RGSL1: variants seen among roughly 807,000 people sequenced by gnomAD.
RGSL1 encodes regulator of G protein signaling protein-like.
A neutral mutation model predicts 124.7 loss-of-function variants in RGSL1; 97 were observed. The observed-to-expected ratio is 0.78, with a 90% CI of 0.66 to 0.92. RGSL1 has a LOEUF of 0.92. RGSL1 is among the 40% of genes least tolerant of loss of function. The probability of loss-of-function intolerance (pLI) is 0.00; values close to 1 mark genes in which losing one functional copy is unlikely to be tolerated. For missense variants in RGSL1, 1,233 were observed against 1,288.4 expected, an observed-to-expected ratio of 0.96 and a Z score of 0.66; for synonymous variants, 424 against 438.1, an observed-to-expected ratio of 0.97 and a Z score of 0.40.
chr1:182,497,361 A>AT (rs1656007793), intron 9 of RGSL1, among the ~76,000 whole-genome samples: 1 of 147,990 alleles, frequency 6.8e-6, no homozygotes. Flanking sequence ...CTGATATAAA[A>AT]ATATATATAT....
chr1:182,511,863 C>T lies in RGSL1; in HGVS notation c.1826-10141C>T, dbSNP rs1228820890. On this transcript the variant is annotated intron_variant, in intron 9 of 21. Coordinates refer to ENST00000294854, the MANE Select transcript of RGSL1 (RefSeq NM_001137669.2). ...TTTTAACAGTATTAATTCTTCCAGT[C>T]ATGAGCATGGAGTAACCTTTCATTT... Among the ~76,000 whole-genome samples the T allele has an allele frequency of 3.3e-5, 5 of 152,196 alleles. 1 individual carries two copies. The South Asian group carries it at 1.0e-3, about 32-fold the overall frequency.
chr1:182,449,333 C>G (rs189181117), upstream of RGSL1: 1 of 152,114 alleles, frequency 6.6e-6, no homozygotes, highest in Non-Finnish European at 1.5e-5. Context: ...TCATTATTAA[C>G]AATAATCCTT....
rs556512734 is a variant in RGSL1, at chr1:182,525,785, A to G, written c.1932-1794A>G. The stretch of plus-strand genomic sequence containing the variant: ...AGATACATAAAATAAAGAGAAAAAC[A>G]AAGAAAATCCAGGTAAATAAGTTAG... On this transcript the variant is annotated intron_variant, in intron 10 of 21. Transcript: ENST00000294854. Among the ~76,000 whole-genome samples the G allele has an allele frequency of 2.6e-5, 4 of 152,282 alleles. No homozygotes were observed. The East Asian group carries it at 7.7e-4, about 29-fold the overall frequency.
At chr1:182,508,683 T>TG (rs1448495429) in intron 9 of RGSL1, among the ~76,000 whole-genome samples, 61 of 148,822 alleles carry the variant, frequency 4.1e-4, no homozygotes, top group African/African-American at 1.5e-3. Context: ...TTTTTTTTTT[T>TG]TTTTTTTTTA....
chr1:182,489,494 G>A (rs1046025438), intron 8 of RGSL1, among the ~76,000 whole-genome samples: 3 of 152,088 alleles, frequency 2.0e-5, no homozygotes, highest in African/African-American at 7.2e-5. Flanking sequence ...CTAGACTCTG[G>A]CCCACCAAAG....
intron 9 of RGSL1, among the ~76,000 whole-genome samples, chr1:182,505,808 TTGTC>T (rs751579312): frequency 2.9e-4 from 44 of 152,314 alleles, no homozygotes; most frequent in Non-Finnish European, 5.3e-4. Context: ...ATTTTTAACT[TTGTC>T]TGGCATATAG....
intron 4 of RGSL1, among the ~76,000 whole-genome samples, chr1:182,466,651 A>G (rs987528718): frequency 1.3e-5 from 2 of 152,220 alleles, no homozygotes; most frequent in Admixed American, 1.3e-4. Flanking sequence ...AATAAAAACT[A>G]CAAAACATTG....
intron 9 of RGSL1, among the ~76,000 whole-genome samples, chr1:182,502,480 G>A (rs1162831230): frequency 6.6e-6 from 1 of 152,200 alleles, no homozygotes; most frequent in African/African-American, 2.4e-5. Context: ...TGAGGCTGGG[G>A]TGGGAGGATT....
chr1:182,507,735 C>G (rs1255128293), intron 9 of RGSL1, among the ~76,000 whole-genome samples: 2 of 151,204 alleles, frequency 1.3e-5, no homozygotes, highest in Non-Finnish European at 2.9e-5. Context: ...CAGGGTCTGT[C>G]TCTGTCACTC....
chr1:182,489,720 C>G (rs12749975), intron 8 of RGSL1, among the ~76,000 whole-genome samples: 1 of 152,154 alleles, frequency 6.6e-6, no homozygotes, highest in Admixed American at 6.5e-5. Context: ...GGGTTACACC[C>G]GTGCTCTCCT....
chr1:182,503,974 C>CTTTTTTTTTTTTTTT (rs71124902), intron 9 of RGSL1, among the ~76,000 whole-genome samples: 3 of 118,238 alleles, frequency 2.5e-5, no homozygotes, highest in Non-Finnish European at 3.4e-5. Flanking sequence ...TTTGTAATTT[C>CTTTTTTTTTTTTTTT]TTTTTTTTTT....
In RGSL1 at chr1:182,548,768, CG is replaced by C; in HGVS notation, c.2878del (p.Val960SerfsTer61). 6.4e-7 allele frequency: 1 copy of C among 1,551,636 alleles called. No individual in the cohort carries two copies. Among genetic ancestry groups the C allele is most frequent in the Admixed American group, 2.0e-5 (1 of 51,004 alleles). ...AITEGYLDRS[V>X]FHGAIMSVFP... is the part of the protein sequence containing the mutation. ...TCACAGAGGGCTACCTAGATCGGAGCGTCTTCCATGGGGCTATCATGTCTGT... is the reference window on the plus strand; with the variant it reads ...TCACAGAGGGCTACCTAGATCGGAGCTCTTCCATGGGGCTATCATGTCTGT... On this transcript the variant is annotated frameshift_variant, in exon 17 of 22. Coordinates refer to ENST00000294854, the MANE Select transcript of RGSL1 (RefSeq NM_001137669.2). LOFTEE classifies it high-confidence loss of function.
At chr1:182,463,823 G>A (rs1270638708) in intron 4 of RGSL1, among the ~76,000 whole-genome samples, 1 of 152,144 alleles carries the variant, frequency 6.6e-6, no homozygotes, top group African/African-American at 2.4e-5. Flanking sequence ...CAGAAGATAG[G>A]TTAGGAAATA....
At position 182,553,532 on chromosome 1, in the gene RGSL1, G is replaced by GT; in HGVS notation, c.3123dup (p.Gln1042SerfsTer45). The GT allele has an allele frequency of 6.4e-7, 1 of 1,551,818 alleles. No individual in the cohort carries two copies. Among genetic ancestry groups the GT allele is most frequent in the Non-Finnish European group, 8.7e-7 (1 of 1,146,938 alleles). On this transcript the variant is annotated frameshift_variant, in exon 19 of 22. Transcript: ENST00000294854. LOFTEE classifies it high-confidence loss of function. ...GCCTCAACGGGAAGCAATAAGTTCA[G>GT]TTCAAAATTGTGAGTTGGAATTGGA...
intron 6 of RGSL1, among the ~76,000 whole-genome samples, chr1:182,478,660 G>C (rs1032823978): frequency 2.0e-5 from 3 of 152,122 alleles, no homozygotes; most frequent in African/African-American, 7.2e-5. Flanking sequence ...GAGAAAAAGG[G>C]ATAGAAAGCT....
chr1:182,553,705 G>A (rs553085795), intron 19 of RGSL1, among the ~76,000 whole-genome samples, 164 bp downstream of exon 19: 14 of 152,246 alleles, frequency 9.2e-5, no homozygotes, highest in South Asian at 8.3e-4. Flanking sequence ...GAGAGGAGGT[G>A]AAAATTTAGT....
Position 182,538,546 on chromosome 1 carries a change from G to T in RGSL1, c.2495-1701G>T, listed in dbSNP as rs139646339. On this transcript the variant is annotated intron_variant, in intron 14 of 21. Transcript: ENST00000294854. ...CCCTCTCAAAAAAAAAAAAAATTCA[G>T]CAGATTAGTAACTGTAGCCAAGTTA... Among the ~76,000 whole-genome samples the T allele has an allele frequency of 1.9e-4, 29 of 151,730 alleles. No individual in the cohort carries two copies. The East Asian group carries it at 5.2e-3, about 27-fold the overall frequency.
intron 13 of RGSL1, among the ~76,000 whole-genome samples, chr1:182,532,053 A>G (rs1659212171): frequency 6.6e-6 from 1 of 152,176 alleles, no homozygotes. Flanking sequence ...CTGTAGACTG[A>G]GACAACTGAA....
intron 6 of RGSL1, among the ~76,000 whole-genome samples, chr1:182,484,473 G>T (rs1487756185): frequency 6.6e-6 from 1 of 152,164 alleles, no homozygotes; most frequent in East Asian, 1.9e-4. Context: ...GTTTTCCCAG[G>T]GGCCAGGGTA....
Sources: gnomAD v4.1 joint callset for allele counts (sites outside exome capture counted in the v4.1 genomes callset) on GRCh38, gnomAD v4.1.1 for gene constraint, MANE v1.5 for transcripts, NCBI Gene and HGNC (gene_info 2026-07-23, HGNC 2026-07-21) for gene names.